Variants in ANKRD36C observed in about 807,000 individuals in gnomAD.
ANKRD36C encodes the protein ankyrin repeat domain 36C, also known as ankyrin repeat domain-containing protein 36C.
Under a neutral mutation model 276.4 loss-of-function variants are expected in ANKRD36C, and 61 were observed. The observed-to-expected ratio is 0.22, with a 90% CI of 0.18 to 0.27. The LOEUF (loss-of-function observed/expected upper bound fraction) is 0.27, where lower values mean the gene tolerates loss of function less well. Ranked by LOEUF, ANKRD36C falls within the 10% of genes least tolerant of loss-of-function variation. ANKRD36C has a pLI of 1.00. For synonymous variants in ANKRD36C, 483 were observed against 680.1 expected, an observed-to-expected ratio of 0.71 and a Z score of 4.51; for missense variants, 1,447 against 2,032.3, an observed-to-expected ratio of 0.71 and a Z score of 5.54.
intron 24 of ANKRD36C, among the ~76,000 whole-genome samples, chr2:95,930,768 C>T (rs79816019): frequency 6.6e-6 from 1 of 150,872 alleles, no homozygotes; most frequent in Non-Finnish European, 1.5e-5. Flanking sequence ...GATATACCAT[C>T]GGGGTCTCTC....
intron 42 of ANKRD36C, among the ~76,000 whole-genome samples, chr2:95,908,135 T>C (rs1465765488): frequency 6.7e-6 from 1 of 150,198 alleles, no homozygotes; most frequent in African/African-American, 2.4e-5. Flanking sequence ...CTTTCTGTCT[T>C]TTCTTGGCAG....
intron 46 of ANKRD36C, 37 bp downstream of exon 66, chr2:95,891,628 G>C (rs1269373280): frequency 6.5e-7 from 1 of 1,537,168 alleles, no homozygotes; most frequent in African/African-American, 1.4e-5. Flanking sequence ...TTATCTATCT[G>C]CACTGAACAT....
chr2:95,955,148 A>G (rs534610005), intron 13 of ANKRD36C, among the ~76,000 whole-genome samples: 3 of 152,354 alleles, frequency 2.0e-5, no homozygotes, highest in African/African-American at 7.2e-5. Flanking sequence ...TCAGAAAAAA[A>G]GAGACATCCA....
intron 58 of ANKRD36C, among the ~76,000 whole-genome samples, chr2:95,879,774 C>A (rs866817488): frequency 2.0e-5 from 3 of 151,220 alleles, no homozygotes; most frequent in Middle Eastern, 3.4e-3. Flanking sequence ...TAAAGCAAAA[C>A]AAATATTTTA....
intron 36 of ANKRD36C, among the ~76,000 whole-genome samples, chr2:95,917,374 T>C (rs1458308935): frequency 1.3e-5 from 2 of 151,612 alleles, no homozygotes; most frequent in South Asian, 4.1e-4. Context: ...CTCCTTCCTG[T>C]CTGACAATCC....
intron 17 of ANKRD36C, among the ~76,000 whole-genome samples, chr2:95,945,521 C>T (rs138217332): frequency 6.6e-6 from 1 of 152,144 alleles, no homozygotes; most frequent in African/African-American, 2.4e-5. Flanking sequence ...AATAAAAAGT[C>T]AATTAATCAC....
At chr2:95,851,955 A>G (rs1675302135) in intron 65 of ANKRD36C, among the ~76,000 whole-genome samples, 168 bp from the exon 86 acceptor site, 2 of 152,224 alleles carry the variant, frequency 1.3e-5, no homozygotes, top group Non-Finnish European at 2.9e-5. Context: ...GATAATATGC[A>G]AAATTTAGGA....
intron 3 of ANKRD36C, among the ~76,000 whole-genome samples, chr2:95,985,149 A>G (rs1037315254): frequency 6.6e-6 from 1 of 152,230 alleles, no homozygotes; most frequent in African/African-American, 2.4e-5. Flanking sequence ...ACAATAGCAA[A>G]TTTCTAATGA....
At chr2:95,941,705 G>A (rs1035234461) in intron 19 of ANKRD36C, among the ~76,000 whole-genome samples, 2 of 152,306 alleles carry the variant, frequency 1.3e-5, no homozygotes, top group African/African-American at 4.8e-5. Context: ...ATGCTAGAAT[G>A]TAAATGTTTC....
chr2:95,966,715 C>T (rs1025169143), intron 6 of ANKRD36C, among the ~76,000 whole-genome samples: 2 of 152,044 alleles, frequency 1.3e-5, no homozygotes, highest in African/African-American at 4.8e-5. Flanking sequence ...TCAATGGTAG[C>T]TTGATGGGTA....
chr2:95,908,630 A>G lies in ANKRD36C; in HGVS notation c.2653+3614T>C, dbSNP rs1321351589. The G allele has an allele frequency of 5.8e-6, 9 of 1,563,938 alleles. No individual in the cohort carries two copies. The East Asian group carries it at 9.4e-5, about 16-fold the overall frequency. On this transcript the variant is annotated intron_variant, in intron 42 of 66. Transcript: ENST00000456556. ...TAATAAAGTATGTTTCATAGACTAT[A>G]CATTTACTAGTTCACAACATAAATG...
chr2:95,960,443 C>G, intron 10 of ANKRD36C, 30 bp downstream of exon 10: 1 of 1,540,454 alleles, frequency 6.5e-7, no homozygotes, highest in Non-Finnish European at 8.7e-7. Context: ...CTTCAGTGAA[C>G]GTGGCATTAA....
At chr2:95,865,392 C>G (rs189489569) in intron 60 of ANKRD36C, among the ~76,000 whole-genome samples, 3 of 151,982 alleles carry the variant, frequency 2.0e-5, no homozygotes, top group African/African-American at 7.2e-5. Flanking sequence ...GGATCTAGCA[C>G]AGTCAAAACA....
chr2:95,884,362 G>C (rs1676154256), exon 53 of ANKRD36C: 1 of 1,610,810 alleles, frequency 6.2e-7, no homozygotes, highest in African/African-American at 1.3e-5. Context: ...TTGTCTCTGA[G>C]AAGACACTGA....
chr2:95,988,162 A>C (rs543592178), intron 1 of ANKRD36C, among the ~76,000 whole-genome samples: 70 of 151,966 alleles, frequency 4.6e-4, no homozygotes, highest in South Asian at 1.2e-3. Context: ...AAAAAAAAAA[A>C]AACAACAAAT....
intron 46 of ANKRD36C, 92 bp downstream of exon 66, chr2:95,891,573 A>T: frequency 7.0e-7 from 1 of 1,421,238 alleles, no homozygotes; most frequent in Non-Finnish European, 9.5e-7. Flanking sequence ...CAGAATGTGC[A>T]GCTTCAACGA....
intron 23 of ANKRD36C, 27 bp from the exon 24 acceptor site, chr2:95,935,553 T>A (rs757231938): frequency 6.6e-7 from 1 of 1,526,572 alleles, no homozygotes; most frequent in South Asian, 1.2e-5. Context: ...ACATAATGAT[T>A]AATATATCAT....
chr2:95,920,019 G>C lies in ANKRD36C; in HGVS notation c.2245+1588C>G. The C allele has an allele frequency of 2.3e-6, 3 of 1,321,120 alleles. 1 individual carries two copies. The East Asian group carries it at 9.5e-5, about 42-fold the overall frequency. 81.8% of individuals were successfully genotyped at this position (1,321,120 alleles called of 1,614,324 possible). A position where few individuals can be genotyped will look rare whatever the true frequency, so the allele number is the denominator to read the frequency against. ...AGCATCAAGCTGTATCCTTCTGCCT[G>C]TACTAGTGTAGGCTCTGATGTCTTC... On this transcript the variant is annotated intron_variant, in intron 34 of 66. Transcript: ENST00000456556.
At chr2:95,856,325 C>A in intron 62 of ANKRD36C, 145 bp from the exon 83 acceptor site, 1 of 1,482,704 alleles carries the variant, frequency 6.7e-7, no homozygotes, top group Non-Finnish European at 8.9e-7. Flanking sequence ...GAAGTTGAGT[C>A]AAAACCTCAA....
Sources: gnomAD v4.1 joint callset for allele counts (sites outside exome capture counted in the v4.1 genomes callset) on GRCh38, gnomAD v4.1.1 for gene constraint, MANE v1.5 for transcripts, NCBI Gene and HGNC (gene_info 2026-07-23, HGNC 2026-07-21) for gene names.